The following PCDH15 variants were observed in gnomAD, a reference collection of about 807,000 sequenced individuals.
PCDH15 encodes protocadherin-15.
PCDH15 carries 129 observed loss-of-function variants against 178.5 expected under a neutral mutation model. That is an observed-to-expected ratio of 0.72 (90% CI 0.63 to 0.84). PCDH15 has a LOEUF of 0.84. PCDH15 is among the 40% of genes least tolerant of loss of function. PCDH15 has a pLI of 0.00. For missense variants in PCDH15, 2,230 were observed against 2,099.9 expected (o/e 1.06, Z -1.21); for synonymous variants, 800 against 732.0 (o/e 1.09, Z -1.50).
chr10:54,726,125 TGTGA>T (rs1942462203), intron 1 of PCDH15, among the ~76,000 whole-genome samples: 1 of 151,068 alleles, frequency 6.6e-6, no homozygotes, highest in Non-Finnish European at 1.5e-5. Context: ...TTTGTGGAAT[TGTGA>T]GTGAGCAGCA....
At chr10:54,935,738 CCTTT>C (rs1030922089) in intron 2 of PCDH15, among the ~76,000 whole-genome samples, 3 of 151,922 alleles carry the variant, frequency 2.0e-5, no homozygotes, top group Non-Finnish European at 4.4e-5. Flanking sequence ...CCACATAATT[CCTTT>C]CTATTATTGC....
chr10:54,506,928 C>A (rs1012876326), intron 3 of PCDH15, among the ~76,000 whole-genome samples: 5 of 151,600 alleles, frequency 3.3e-5, no homozygotes, highest in Non-Finnish European at 5.9e-5. Flanking sequence ...TTTTTATGGG[C>A]AAAACATGAT....
chr10:54,970,738 C>T (rs1194860119), intron 2 of PCDH15, among the ~76,000 whole-genome samples: 1 of 152,138 alleles, frequency 6.6e-6, no homozygotes, highest in Admixed American at 6.5e-5. Flanking sequence ...ACAGTATCCA[C>T]ACTACCTTTG....
chr10:53,826,640 A>C (rs1443210604), intron 32 of PCDH15, among the ~76,000 whole-genome samples: 1 of 152,082 alleles, frequency 6.6e-6, no homozygotes, highest in African/African-American at 2.4e-5. Context: ...CACCATAAGG[A>C]ATCCAATTAT....
chr10:54,189,834 T>C (rs934016425), intron 11 of PCDH15, among the ~76,000 whole-genome samples: 1 of 151,904 alleles, frequency 6.6e-6, no homozygotes, highest in Non-Finnish European at 1.5e-5. Context: ...ACTTATATTA[T>C]GGGTTATTTT....
intron 21 of PCDH15, among the ~76,000 whole-genome samples, chr10:53,967,496 T>A (rs2089166784): frequency 1.3e-5 from 2 of 152,208 alleles, no homozygotes; most frequent in South Asian, 4.1e-4. Context: ...GGTCCAGAAC[T>A]CCTGGCCTCA....
intron 1 of PCDH15, among the ~76,000 whole-genome samples, chr10:54,795,496 A>G (rs2133617144): frequency 6.6e-6 from 1 of 152,024 alleles, no homozygotes; most frequent in South Asian, 2.1e-4. Context: ...TCATATTAAA[A>G]AACCAAAACA....
chr10:54,909,604 C>T (rs1283220232), intron 2 of PCDH15, among the ~76,000 whole-genome samples: 4 of 152,014 alleles, frequency 2.6e-5, no homozygotes, highest in Non-Finnish European at 4.4e-5. Flanking sequence ...CATTCCTGGG[C>T]CCTCAGAGTG....
chr10:54,047,914 TC>T (rs2093688709), intron 18 of PCDH15, among the ~76,000 whole-genome samples: 1 of 152,204 alleles, frequency 6.6e-6, no homozygotes, highest in Non-Finnish European at 1.5e-5. Context: ...TGATGTATTT[TC>T]CTTTGGGTAT....
intron 2 of PCDH15, among the ~76,000 whole-genome samples, chr10:55,502,583 T>G (rs185525622): frequency 1.1e-3 from 173 of 151,696 alleles, no homozygotes; most frequent in African/African-American, 3.5e-3. Flanking sequence ...CTTAAAAGAG[T>G]GCTTGAAACT....
intron 1 of PCDH15, among the ~76,000 whole-genome samples, chr10:55,263,148 C>T (rs961507149): frequency 2.0e-5 from 3 of 151,748 alleles, no homozygotes; most frequent in Non-Finnish European, 4.4e-5. Context: ...TGTTGTAAAA[C>T]CCTGGCACTT....
At chr10:53,877,697 T>C (rs1658312256) in intron 26 of PCDH15, among the ~76,000 whole-genome samples, 2 of 152,116 alleles carry the variant, frequency 1.3e-5, no homozygotes, top group Admixed American at 6.5e-5. Context: ...TCTTTTTGCA[T>C]AGGAAGGGCA....
At chr10:54,878,690 G>A (rs1954199104) in intron 3 of PCDH15, among the ~76,000 whole-genome samples, 1 of 151,840 alleles carries the variant, frequency 6.6e-6, no homozygotes, top group Non-Finnish European at 1.5e-5. Flanking sequence ...TTTAAGTTCT[G>A]GGACACATGT....
intron 8 of PCDH15, among the ~76,000 whole-genome samples, chr10:54,309,230 C>T (rs1374453909): frequency 2.0e-5 from 3 of 151,754 alleles, no homozygotes; most frequent in Non-Finnish European, 4.4e-5. Flanking sequence ...TATATGATTA[C>T]TTGATCTAGA....
At chr10:54,252,500 C>T (rs1161644324) in intron 8 of PCDH15, among the ~76,000 whole-genome samples, 1 of 152,118 alleles carries the variant, frequency 6.6e-6, no homozygotes, top group Admixed American at 6.5e-5. Flanking sequence ...TTAAAATATG[C>T]TTTCCTCTGC....
intron 2 of PCDH15, among the ~76,000 whole-genome samples, chr10:55,142,018 C>T (rs76918264): frequency 6.6e-6 from 1 of 152,114 alleles, no homozygotes; most frequent in East Asian, 1.9e-4. Context: ...AAACATAAAA[C>T]TTCATTATCT....
chr10:54,229,448 A>G (rs1185180685), intron 9 of PCDH15, among the ~76,000 whole-genome samples: 3 of 152,190 alleles, frequency 2.0e-5, no homozygotes, highest in Non-Finnish European at 2.9e-5. Context: ...AAATGTAGCT[A>G]TCATTAACTA....
chr10:54,545,337 A>C (rs548772653), intron 2 of PCDH15, among the ~76,000 whole-genome samples: 1 of 152,320 alleles, frequency 6.6e-6, no homozygotes, highest in Middle Eastern at 3.4e-3. Context: ...AACTCTTTAA[A>C]TAATAGAAAA....
At chr10:54,721,307 T>C (rs11004499) in intron 1 of PCDH15, among the ~76,000 whole-genome samples, 18,482 of 151,660 alleles carry the variant, frequency 0.12, 1,243 homozygotes, top group African/African-American at 0.17. Context: ...AACATCCAAA[T>C]TTTGCACCTC....
Sources: gnomAD v4.1 joint callset for allele counts (sites outside exome capture counted in the v4.1 genomes callset) on GRCh38, gnomAD v4.1.1 for gene constraint, MANE v1.5 for transcripts, NCBI Gene and HGNC (gene_info 2026-07-23, HGNC 2026-07-21) for gene names.